ITSN1: variants seen among roughly 807,000 people sequenced by gnomAD.
ITSN1 encodes intersectin 1.
A neutral mutation model predicts 239.8 loss-of-function variants in ITSN1; 58 were observed. That is an observed-to-expected ratio of 0.24 (90% CI 0.20 to 0.30). The LOEUF (loss-of-function observed/expected upper bound fraction) is 0.30. Among genes scored for constraint, ITSN1 ranks in the 10% least tolerant of loss-of-function variants. The pLI is 1.00. For synonymous variants in ITSN1, 780 were observed against 770.8 expected (o/e 1.01, Z -0.20); for missense variants, 1,558 against 2,103.3 (o/e 0.74, Z 5.07).
chr21:33,838,214 C>T (rs2074695609), intron 29 of ITSN1: 1 of 985,284 alleles, frequency 1.0e-6, no homozygotes, highest in Non-Finnish European at 1.2e-6. Context: ...GCAGGGGGAG[C>T]CTCAAGCACA....
chr21:33,836,871 T>C (rs2074631416), intron 29 of ITSN1: 2 of 383,084 alleles, frequency 5.2e-6, no homozygotes, highest in Non-Finnish European at 8.9e-6. Context: ...TCCTTTTTCC[T>C]TTTTTTTTTT....
Position 33,893,251 on chromosome 21 carries a change from G to C in ITSN1, c.*4951G>C, listed in dbSNP as rs1039723970. 2.6e-5 allele frequency: 4 copies of C among 152,224 alleles called. No individual in the cohort carries two copies. The highest frequency in any genetic ancestry group is 5.9e-5 in the Non-Finnish European group (4 of 68,070). The allele number at this position is 152,224 out of a possible 1,614,324, so 9.4% of individuals were successfully genotyped here. On this transcript the variant is annotated 3_prime_UTR_variant, in exon 40 of 40. Coordinates refer to ENST00000381318, the MANE Select transcript of ITSN1 (RefSeq NM_003024.3). The stretch of plus-strand genomic sequence containing the variant: ...TGGATATTTTTATTCTATTTTGAAT[G>C]GTTCCGATCAATTAATGTTGCTTTG...
At chr21:33,873,155 T>C (rs1602669531) in intron 33 of ITSN1, among the ~76,000 whole-genome samples, 1 of 152,172 alleles carries the variant, frequency 6.6e-6, no homozygotes, top group Non-Finnish European at 1.5e-5. Flanking sequence ...GAGGTTGGGG[T>C]TGTTGCTTGG....
At chr21:33,877,515 G>T (rs977851458) in intron 34 of ITSN1, among the ~76,000 whole-genome samples, 1 of 151,740 alleles carries the variant, frequency 6.6e-6, no homozygotes, top group Admixed American at 6.6e-5. Flanking sequence ...ACATTCTCAG[G>T]GCACGTTTTC....
rs1602486354 is a variant in ITSN1 at position 33,829,071 on chromosome 21, C to T, written c.3230-553C>T. The stretch of plus-strand genomic sequence containing the variant: ...AAAATGTGAGCCATAAAGAAGAAGG[C>T]TGTGTCGTTGGGAGTGAGAATCTGC... On this transcript the variant is annotated intron_variant, in intron 26 of 39. Transcript: ENST00000381318. 6.5e-6 allele frequency: 3 copies of T among 459,910 alleles called. No homozygotes were observed. In the East Asian group the frequency reaches 2.1e-4, roughly 32 times the overall value. 28.5% of individuals were successfully genotyped at this position (459,910 alleles called of 1,614,324 possible).
At chr21:33,773,489 T>G (rs2069340128) in intron 12 of ITSN1, among the ~76,000 whole-genome samples, 1 of 152,080 alleles carries the variant, frequency 6.6e-6, no homozygotes. Flanking sequence ...GAATGAAAGA[T>G]AAAAATGAGG....
At chr21:33,726,272 G>A (rs1326634620) in intron 4 of ITSN1, among the ~76,000 whole-genome samples, 1 of 152,128 alleles carries the variant, frequency 6.6e-6, no homozygotes, top group Non-Finnish European at 1.5e-5. Context: ...AGAATTACAG[G>A]CATGACCCAC....
At position 33,718,823 on chromosome 21, in the gene ITSN1, A is replaced by G. The variant is rs2065316864; in HGVS notation, c.-6A>G. ...CGTCGATTAGCAAGGTAAAAGTAACAGAACCATGGCTCAGTTTCCAACACC... is the reference window on the plus strand; with the variant it reads ...CGTCGATTAGCAAGGTAAAAGTAACGGAACCATGGCTCAGTTTCCAACACC... On this transcript the variant is annotated 5_prime_UTR_variant, in exon 2 of 40. Transcript: ENST00000381318. The G allele has an allele frequency of 6.2e-7, 1 of 1,613,214 alleles. No individual in the cohort carries two copies. The highest frequency in any genetic ancestry group is 8.5e-7 in the Non-Finnish European group (1 of 1,179,524).
intron 23 of ITSN1, among the ~76,000 whole-genome samples, 161 bp downstream of exon 23, chr21:33,818,633 CT>C (rs1291882009): frequency 6.6e-6 from 1 of 152,188 alleles, no homozygotes; most frequent in Non-Finnish European, 1.5e-5. Context: ...AAAAGGGAGC[CT>C]CTTATAGATA....
At position 33,786,331 on chromosome 21, in the gene ITSN1, C is replaced by G. The variant is rs2070676365; in HGVS notation, c.1824+4198C>G. On this transcript the variant is annotated intron_variant, in intron 16 of 39. Coordinates refer to ENST00000381318, the MANE Select transcript of ITSN1 (RefSeq NM_003024.3). ...TCGGTAGTCTTCTCAGATCCACGTT[C>G]TAGAAACAACAATTTAAAATTATTA... 3.3e-5 allele frequency among the ~76,000 whole-genome samples: 5 copies of G among 152,132 alleles called. No homozygotes were observed. The South Asian group carries it at 1.0e-3, about 31-fold the overall frequency.
intron 1 of ITSN1, among the ~76,000 whole-genome samples, chr21:33,714,497 TC>T (rs373141372): frequency 2.0e-5 from 3 of 152,166 alleles, no homozygotes; most frequent in African/African-American, 7.2e-5. Context: ...TAACAAATAG[TC>T]TTAGGTGCTT....
At chr21:33,713,909 A>G (rs112565597) in intron 1 of ITSN1, among the ~76,000 whole-genome samples, 8,061 of 133,040 alleles carry the variant, frequency 0.061, 751 homozygotes, top group African/African-American at 0.21. Context: ...ATCTCGGCTC[A>G]CTGCAACCTC....
At chr21:33,761,790 A>G in intron 8 of ITSN1, 133 bp from the exon 9 acceptor site, 1 of 646,714 alleles carries the variant, frequency 1.5e-6, no homozygotes, top group East Asian at 2.5e-5. Context: ...CCCCTGCGGT[A>G]GTAGCAAATG....
chr21:33,782,944 G>C (rs1258895157), intron 16 of ITSN1, among the ~76,000 whole-genome samples: 7 of 152,014 alleles, frequency 4.6e-5, no homozygotes, highest in African/African-American at 1.7e-4. Context: ...AGAATGATGT[G>C]AACCCAGGAG....
At chr21:33,866,017 A>C (rs1452395433) in intron 32 of ITSN1, among the ~76,000 whole-genome samples, 1 of 152,244 alleles carries the variant, frequency 6.6e-6, no homozygotes, top group Non-Finnish European at 1.5e-5. Flanking sequence ...AAGGAGGAAG[A>C]GAATAAAATA....
chr21:33,659,560 T>G (rs1374460419), intron 1 of ITSN1, among the ~76,000 whole-genome samples: 1 of 152,102 alleles, frequency 6.6e-6, no homozygotes, highest in Admixed American at 6.5e-5. Flanking sequence ...GAGAACATTT[T>G]TTAGAACTCA....
chr21:33,655,084 A>G (rs1449936631), intron 1 of ITSN1, among the ~76,000 whole-genome samples: 1 of 152,152 alleles, frequency 6.6e-6, no homozygotes, highest in African/African-American at 2.4e-5. Flanking sequence ...AATAACATCA[A>G]CAGTTAAGGA....
At chr21:33,716,258 G>C (rs923643559) in intron 1 of ITSN1, among the ~76,000 whole-genome samples, 1 of 152,132 alleles carries the variant, frequency 6.6e-6, no homozygotes, top group African/African-American at 2.4e-5. Flanking sequence ...CTACACTCCA[G>C]CAGATGGGTA....
chr21:33,767,897 A>G, intron 11 of ITSN1, 69 bp downstream of exon 11: 1 of 843,446 alleles, frequency 1.2e-6, no homozygotes, highest in South Asian at 1.6e-5. Context: ...TATCTCTAAG[A>G]CAAAGATAGA....
Sources: allele counts gnomAD v4.1 joint callset (sites outside exome capture counted in the v4.1 genomes callset), GRCh38; gene constraint gnomAD v4.1.1; transcripts MANE v1.5; gene names NCBI Gene and HGNC (gene_info 2026-07-23, HGNC 2026-07-21).